Variants in KNDC1 observed in about 807,000 individuals in gnomAD.
The protein encoded by KNDC1 is kinase non-catalytic C-lobe domain containing 1, also known as kinase non-catalytic C-lobe domain-containing protein 1.
Under a neutral mutation model 172.8 loss-of-function variants are expected in KNDC1, and 106 were observed. That is an observed-to-expected ratio of 0.61 (90% CI 0.52 to 0.72). The LOEUF is 0.72. KNDC1 is among the 30% of genes least tolerant of loss of function. The pLI, the probability that KNDC1 is intolerant of heterozygous loss-of-function variation, is 0.00. For missense variants in KNDC1, 2,325 were observed against 2,394.5 expected, an observed-to-expected ratio of 0.97 and a Z score of 0.61; for synonymous variants, 1,083 against 1,062.2, an observed-to-expected ratio of 1.02 and a Z score of -0.38.
At chr10:133,219,749 GA>G (rs1212991726) in intron 28 of KNDC1, among the ~76,000 whole-genome samples, 1 of 152,244 alleles carries the variant, frequency 6.6e-6, no homozygotes, top group Non-Finnish European at 1.5e-5. Context: ...TCAGGGCCGT[GA>G]AAGCTTAAGA....
chr10:133,218,828 C>A lies in KNDC1; in HGVS notation c.4678-3C>A. Reference sequence around the variant, plus strand: ...CGCTGAATGTGTCATTTTCTTATTGCAGCTGCAGGTGAACTTGCTGTCCAA... The same window carrying A: ...CGCTGAATGTGTCATTTTCTTATTGAAGCTGCAGGTGAACTTGCTGTCCAA... On this transcript the variant is annotated splice_region_variant and splice_polypyrimidine_tract_variant and intron_variant, in intron 26 of 29. Coordinates refer to ENST00000304613, the MANE Select transcript of KNDC1 (RefSeq NM_152643.8). The A allele has an allele frequency of 6.2e-7, 1 of 1,609,720 alleles. No homozygotes were observed. Among genetic ancestry groups the A allele is most frequent in the Non-Finnish European group, 8.5e-7 (1 of 1,176,588 alleles).
chr10:133,187,634 CGGA>C (rs1160448120), intron 6 of KNDC1, among the ~76,000 whole-genome samples: 1 of 152,240 alleles, frequency 6.6e-6, no homozygotes, highest in African/African-American at 2.4e-5. Flanking sequence ...GAAGGGCACA[CGGA>C]GGCACAGGGT....
intron 1 of KNDC1, among the ~76,000 whole-genome samples, chr10:133,165,717 G>A (rs1031681040): frequency 5.3e-5 from 8 of 152,222 alleles, no homozygotes; most frequent in East Asian, 3.9e-4. Context: ...TTGTGTGTAC[G>A]CAGTGCCCAG....
At chr10:133,184,030 A>G in intron 5 of KNDC1, 41 bp downstream of exon 5, 1 of 1,179,886 alleles carries the variant, frequency 8.5e-7, no homozygotes, top group Non-Finnish European at 1.2e-6. Flanking sequence ...TCATGCACAT[A>G]TACCTGTGTG....
rs979910244 is a variant in KNDC1, at chr10:133,199,040, A to G, written c.2532A>G (p.Pro844=). Residue 844 remains proline, a synonymous_variant, in exon 14 of 30, where the codon CCA becomes CCG. Coordinates refer to ENST00000304613, the MANE Select transcript of KNDC1 (RefSeq NM_152643.8). ...SKATERPGQE[P]EGPGATPAGE... ...CCACCGAGCGCCCGGGCCAGGAGCC[A>G]GAGGGCCCCGGGGCCACCCCTGCCG... 30 of 1,572,980 alleles carry G rather than the reference A, an allele frequency of 1.9e-5. No homozygotes were observed. Among genetic ancestry groups the G allele is most frequent in the Non-Finnish European group, 2.3e-5 (27 of 1,161,446 alleles).
chr10:133,190,812 C>A (rs1364957591), intron 9 of KNDC1, among the ~76,000 whole-genome samples: 1 of 152,202 alleles, frequency 6.6e-6, no homozygotes, highest in African/African-American at 2.4e-5. Context: ...CCAGGCCGAC[C>A]TCAGGGGGTT....
chr10:133,200,786 C>T (rs575889308), intron 16 of KNDC1, among the ~76,000 whole-genome samples: 6 of 152,304 alleles, frequency 3.9e-5, no homozygotes, highest in East Asian at 1.9e-4. Context: ...CAGTGGGAGC[C>T]GCCGGGAGCC....
intron 15 of KNDC1, 124 bp from the exon 16 acceptor site, chr10:133,200,251 G>T: frequency 1.6e-6 from 1 of 627,294 alleles, no homozygotes; most frequent in South Asian, 2.8e-5. Context: ...TGAGAGGGGT[G>T]AGCTCCTGCC....
chr10:133,171,521 C>T (rs965728948), intron 3 of KNDC1, among the ~76,000 whole-genome samples: 3 of 152,198 alleles, frequency 2.0e-5, no homozygotes, highest in East Asian at 3.8e-4. Flanking sequence ...ATCCTCTCCC[C>T]TTGGCCTCCC....
chr10:133,203,948 C>T (rs1429157427), intron 17 of KNDC1, among the ~76,000 whole-genome samples: 2 of 152,212 alleles, frequency 1.3e-5, no homozygotes, highest in African/African-American at 2.4e-5. Context: ...TCCAGCCAGG[C>T]GGGCATCGGG....
intron 3 of KNDC1, among the ~76,000 whole-genome samples, chr10:133,176,862 G>C (rs561180401): frequency 6.6e-6 from 1 of 152,372 alleles, no homozygotes; most frequent in South Asian, 2.1e-4. Flanking sequence ...CCACAGCCGA[G>C]AATGCTGCTG....
rs948648586 is a variant in KNDC1 at position 133,214,205 on chromosome 10, G to A, written c.4677+83G>A. The A allele has an allele frequency of 1.2e-5, 17 of 1,472,064 alleles. No homozygotes were observed. The South Asian group carries it at 1.9e-4, about 17-fold the overall frequency. 91.2% of individuals were successfully genotyped at this position (1,472,064 alleles called of 1,614,324 possible). On this transcript the variant is annotated intron_variant, in intron 26 of 29. Coordinates refer to ENST00000304613, the MANE Select transcript of KNDC1 (RefSeq NM_152643.8). ...TGGCAGCGCCTCCTATAAGGCCGTGGCCTGAACCCTCTCCCAATGCAGTGA... is the reference window on the plus strand; with the variant it reads ...TGGCAGCGCCTCCTATAAGGCCGTGACCTGAACCCTCTCCCAATGCAGTGA...
chr10:133,203,832 T>C (rs1049439119), intron 17 of KNDC1, among the ~76,000 whole-genome samples: 2 of 152,124 alleles, frequency 1.3e-5, no homozygotes, highest in Non-Finnish European at 2.9e-5. Context: ...CCTCATGGAG[T>C]CCGCCTGTGG....
intron 3 of KNDC1, among the ~76,000 whole-genome samples, chr10:133,170,934 A>G (rs1853359180): frequency 6.6e-6 from 1 of 152,198 alleles, no homozygotes; most frequent in South Asian, 2.1e-4. Context: ...GCATCATTAC[A>G]GGAAGAGTTT....
intron 20 of KNDC1, 144 bp from the exon 21 acceptor site, chr10:133,210,467 C>T (rs1408276290): frequency 1.6e-5 from 9 of 568,306 alleles, no homozygotes; most frequent in Non-Finnish European, 2.6e-5. Flanking sequence ...CATGTCCCCC[C>T]TTTAATTTCT....
At chr10:133,172,838 CACA>C (rs1360568369) in intron 3 of KNDC1, among the ~76,000 whole-genome samples, 1 of 152,148 alleles carries the variant, frequency 6.6e-6, no homozygotes, top group African/African-American at 2.4e-5. Flanking sequence ...CCTGTCTCTA[CACA>C]ACATTTTAAA....
intron 29 of KNDC1, among the ~76,000 whole-genome samples, chr10:133,221,375 C>G (rs549645481): frequency 6.6e-6 from 1 of 152,032 alleles, no homozygotes; most frequent in South Asian, 2.1e-4. Context: ...GGGCTCACAC[C>G]CCAGGCCACA....
chr10:133,168,655 A>G (rs1194577856), intron 3 of KNDC1, among the ~76,000 whole-genome samples: 5 of 152,066 alleles, frequency 3.3e-5, no homozygotes, highest in African/African-American at 1.2e-4. Flanking sequence ...AATTTACTAC[A>G]CTTAACATGT....
intron 20 of KNDC1, among the ~76,000 whole-genome samples, chr10:133,210,359 T>C (rs1356372689): frequency 5.0e-5 from 4 of 80,058 alleles, no homozygotes; most frequent in African/African-American, 1.9e-4. Flanking sequence ...AGAGCGAAAC[T>C]CTGCCAAAAA....
Sources: gnomAD v4.1 joint callset for allele counts (sites outside exome capture counted in the v4.1 genomes callset) on GRCh38, gnomAD v4.1.1 for gene constraint, MANE v1.5 for transcripts, NCBI Gene and HGNC (gene_info 2026-07-23, HGNC 2026-07-21) for gene names.